EYA2: variants seen among roughly 807,000 people sequenced by gnomAD.
EYA2 encodes EYA transcriptional coactivator and phosphatase 2.
EYA2 carries 31 observed loss-of-function variants against 69.2 expected under a neutral mutation model. The ratio of observed to expected loss-of-function variants is 0.45; its 90% CI spans 0.34 to 0.60. The LOEUF (loss-of-function observed/expected upper bound fraction) is 0.60, where lower values mean the gene tolerates loss of function less well. Among genes scored for constraint, EYA2 ranks in the 20% least tolerant of loss-of-function variants. EYA2 has a pLI of 0.02. For missense variants in EYA2, 622 were observed against 701.2 expected (o/e 0.89, Z 1.28); for synonymous variants, 257 against 279.4 (o/e 0.92, Z 0.80).
intron 1 of EYA2, among the ~76,000 whole-genome samples, chr20:46,989,649 T>C (rs1435205111): frequency 6.6e-6 from 1 of 152,222 alleles, no homozygotes; most frequent in Non-Finnish European, 1.5e-5. Context: ...ACGCTCCCTC[T>C]CTGCCTGTCT....
Position 46,936,713 on chromosome 20 carries a change from G to T in EYA2, c.-11+41726G>T, listed in dbSNP as rs551887711. ...TCTCCCAGCAGAACAGGAGAAGGAG[G>T]CTGGCTCCCCTCCCCTGATCTGTTT... On this transcript the variant is annotated intron_variant, in intron 1 of 15. Transcript: ENST00000327619. 2.0e-5 allele frequency among the ~76,000 whole-genome samples: 3 copies of T among 152,258 alleles called. No homozygotes were observed. In the South Asian group the frequency reaches 6.2e-4, roughly 32 times the overall value.
At chr20:47,000,171 G>A (rs1228116909) in intron 2 of EYA2, among the ~76,000 whole-genome samples, 1 of 152,144 alleles carries the variant, frequency 6.6e-6, no homozygotes, top group Admixed American at 6.5e-5. Flanking sequence ...GTACTTATGA[G>A]GATTAAAATA....
chr20:47,169,566 A>G (rs2034277780), intron 11 of EYA2, among the ~76,000 whole-genome samples: 1 of 152,152 alleles, frequency 6.6e-6, no homozygotes. Context: ...CATCACCTCA[A>G]ATCACTAAAC....
At chr20:47,141,946 A>C (rs2033606056) in intron 9 of EYA2, among the ~76,000 whole-genome samples, 1 of 152,164 alleles carries the variant, frequency 6.6e-6, no homozygotes. Flanking sequence ...CCAAAATAGA[A>C]GAATTGAGCT....
At chr20:46,924,587 G>A (rs1331638818) in intron 1 of EYA2, among the ~76,000 whole-genome samples, 3 of 148,258 alleles carry the variant, frequency 2.0e-5, no homozygotes, top group East Asian at 2.0e-4. Flanking sequence ...GGAGAATGGC[G>A]TGAACCCAGG....
intron 10 of EYA2, among the ~76,000 whole-genome samples, chr20:47,152,860 A>G (rs2146616286): frequency 6.8e-6 from 1 of 148,020 alleles, no homozygotes; most frequent in East Asian, 2.1e-4. Flanking sequence ...GGTGGGTGGG[A>G]GGCAGAGATT....
intron 1 of EYA2, among the ~76,000 whole-genome samples, chr20:46,921,622 A>G (rs547734273): frequency 6.6e-6 from 1 of 152,268 alleles, no homozygotes; most frequent in Non-Finnish European, 1.5e-5. Context: ...CTTTGCTGGA[A>G]TTGTTGAGGA....
chr20:47,114,918 A>G (rs1434460188), intron 9 of EYA2, among the ~76,000 whole-genome samples: 1 of 152,208 alleles, frequency 6.6e-6, no homozygotes, highest in Non-Finnish European at 1.5e-5. Context: ...GCCTTCTGCC[A>G]TGAATAAAAG....
intron 4 of EYA2, among the ~76,000 whole-genome samples, chr20:47,011,285 A>G (rs1387869696): frequency 2.6e-5 from 4 of 152,096 alleles, no homozygotes; most frequent in African/African-American, 7.2e-5. Context: ...AGGACAGGAA[A>G]CGAGTACTCT....
chr20:46,912,125 T>C (rs747775284), intron 1 of EYA2, among the ~76,000 whole-genome samples: 3 of 152,118 alleles, frequency 2.0e-5, no homozygotes, highest in Non-Finnish European at 4.4e-5. Flanking sequence ...GTTGGGCTTG[T>C]TGGAGAGTGA....
intron 5 of EYA2, among the ~76,000 whole-genome samples, chr20:47,034,879 G>A (rs1984611497): frequency 6.6e-6 from 1 of 152,124 alleles, no homozygotes; most frequent in Admixed American, 6.5e-5. Flanking sequence ...GGCAATCCTT[G>A]GCCTATAGAT....
intron 10 of EYA2, among the ~76,000 whole-genome samples, chr20:47,168,504 T>C (rs536116042): frequency 6.6e-4 from 100 of 152,294 alleles, no homozygotes; most frequent in Non-Finnish European, 1.3e-3. Flanking sequence ...CCCATGGTCT[T>C]GTCCCACAGA....
chr20:47,011,274 C>A (rs902187148), intron 4 of EYA2, among the ~76,000 whole-genome samples: 1 of 152,092 alleles, frequency 6.6e-6, no homozygotes, highest in African/African-American at 2.4e-5. Flanking sequence ...ACCACAGAGC[C>A]AGGACAGGAA....
chr20:47,087,139 A>G (rs1271581912), intron 7 of EYA2, among the ~76,000 whole-genome samples: 2 of 152,194 alleles, frequency 1.3e-5, no homozygotes, highest in African/African-American at 2.4e-5. Context: ...GCGCAAAATC[A>G]TGTCTTGTCT....
chr20:47,105,716 A>G (rs1404507032), intron 9 of EYA2, among the ~76,000 whole-genome samples: 3 of 152,078 alleles, frequency 2.0e-5, no homozygotes, highest in Admixed American at 1.3e-4. Flanking sequence ...GCCCTCTCCA[A>G]CACACACACA....
chr20:47,012,340 G>A (rs544180704), intron 4 of EYA2, among the ~76,000 whole-genome samples: 18 of 152,320 alleles, frequency 1.2e-4, no homozygotes, highest in African/African-American at 2.9e-4. Context: ...AGGCCAAACC[G>A]TGACCAGATT....
At chr20:46,972,562 C>G (rs187128187) in intron 1 of EYA2, among the ~76,000 whole-genome samples, 4 of 152,262 alleles carry the variant, frequency 2.6e-5, no homozygotes, top group Admixed American at 2.6e-4. Context: ...GAGAAGAGCA[C>G]TTACTCTGTA....
intron 5 of EYA2, among the ~76,000 whole-genome samples, chr20:47,069,301 C>T (rs760898404): frequency 9.2e-5 from 14 of 152,090 alleles, no homozygotes; most frequent in Non-Finnish European, 1.9e-4. Context: ...CAAGACCAGC[C>T]TGGCCAACAT....
intron 1 of EYA2, among the ~76,000 whole-genome samples, chr20:46,921,980 T>C (rs548123811): frequency 3.9e-5 from 6 of 152,158 alleles, no homozygotes; most frequent in Non-Finnish European, 5.9e-5. Context: ...GAAACCCTCT[T>C]GTAAGTGTTT....
Sources: allele counts gnomAD v4.1 joint callset (sites outside exome capture counted in the v4.1 genomes callset), GRCh38; gene constraint gnomAD v4.1.1; transcripts MANE v1.5; gene names NCBI Gene and HGNC (gene_info 2026-07-23, HGNC 2026-07-21).